The following CALN1 variants were observed in gnomAD, a reference collection of about 807,000 sequenced individuals.
The protein encoded by CALN1 is calneuron 1, also known as calcium-binding protein 8.
A neutral mutation model predicts 30.6 loss-of-function variants in CALN1; 17 were observed. The observed-to-expected ratio is 0.56, with a 90% CI of 0.38 to 0.83. CALN1 has a LOEUF of 0.83. CALN1 is among the 40% of genes least tolerant of loss of function. The pLI, the probability that CALN1 is intolerant of heterozygous loss-of-function variation, is 0.00. For synonymous variants in CALN1, 156 were observed against 131.4 expected (o/e 1.19, Z -1.28); for missense variants, 291 against 354.9 (o/e 0.82, Z 1.45).
intron 5 of CALN1, among the ~76,000 whole-genome samples, chr7:71,826,832 T>C (rs752436476): frequency 6.6e-6 from 1 of 152,298 alleles, no homozygotes; most frequent in African/African-American, 2.4e-5. Context: ...CATGCCACCA[T>C]GTCCACATAA....
chr7:72,302,438 A>T (rs1332843031), intron 2 of CALN1, among the ~76,000 whole-genome samples: 1 of 152,208 alleles, frequency 6.6e-6, no homozygotes, highest in African/African-American at 2.4e-5. Flanking sequence ...TCTGGACATC[A>T]CAGGAAAAAC....
chr7:71,933,048 A>T (rs1251207063), intron 5 of CALN1, among the ~76,000 whole-genome samples: 1 of 152,092 alleles, frequency 6.6e-6, no homozygotes, highest in Non-Finnish European at 1.5e-5. Flanking sequence ...ATCATATTCT[A>T]ACAAAGAGCA....
chr7:72,335,002 G>A (rs988641903), intron 2 of CALN1, among the ~76,000 whole-genome samples: 4 of 152,130 alleles, frequency 2.6e-5, no homozygotes, highest in Non-Finnish European at 5.9e-5. Flanking sequence ...ACTGCCGGGG[G>A]AACTAGCAAA....
Position 71,780,548 on chromosome 7 carries a change from T to C in CALN1, c.*7227A>G, listed in dbSNP as rs1386414371. The stretch of plus-strand genomic sequence containing the variant: ...GCACTCAGCATCCCTCATTAGCCAT[T>C]TAAAGGGCTGTCGCAGGTAGCCGGT... On this transcript the variant is annotated 3_prime_UTR_variant, in exon 7 of 7. Coordinates refer to ENST00000395275, the MANE Select transcript of CALN1 (RefSeq NM_031468.4). The C allele has an allele frequency of 2.0e-5, 3 of 152,084 alleles. No individual in the cohort carries two copies. Among genetic ancestry groups the C allele is most frequent in the African/African-American group, 7.2e-5 (3 of 41,400 alleles). 9.4% of individuals were successfully genotyped at this position (152,084 alleles called of 1,614,324 possible).
At chr7:72,326,183 G>A (rs948897493) in intron 2 of CALN1, among the ~76,000 whole-genome samples, 17 of 152,288 alleles carry the variant, frequency 1.1e-4, no homozygotes, top group Admixed American at 5.9e-4. Flanking sequence ...GATTACAGGC[G>A]TGAGCCATCA....
intron 4 of CALN1, among the ~76,000 whole-genome samples, chr7:72,067,582 T>C (rs1804109074): frequency 6.6e-6 from 1 of 152,044 alleles, no homozygotes; most frequent in Non-Finnish European, 1.5e-5. Context: ...CTCTCAAGCC[T>C]CCAGAGCACT....
chr7:72,337,017 T>C, intron 2 of CALN1: 3 of 985,480 alleles, frequency 3.0e-6, no homozygotes, highest in Non-Finnish European at 3.6e-6. Flanking sequence ...TCTGGGGACG[T>C]GTGCCCCGCA....
At chr7:72,288,990 T>C (rs1262812813) in intron 2 of CALN1, among the ~76,000 whole-genome samples, 1 of 152,182 alleles carries the variant, frequency 6.6e-6, no homozygotes, top group Admixed American at 6.5e-5. Context: ...TAAATGTAAA[T>C]AAGGGGCTAT....
At chr7:71,855,445 GTA>G (rs76288988) in intron 5 of CALN1, among the ~76,000 whole-genome samples, 35,434 of 151,932 alleles carry the variant, frequency 0.23, 4,921 homozygotes, top group Middle Eastern at 0.39. Flanking sequence ...GCCTTGGTAA[GTA>G]TCCCCCACCT....
chr7:72,135,316 C>A lies in CALN1; in HGVS notation c.245-29022G>T, dbSNP rs757271659. Among the ~76,000 whole-genome samples the A allele has an allele frequency of 2.8e-4, 43 of 152,200 alleles. 1 individual carries two copies. Among genetic ancestry groups the A allele is most frequent in the Admixed American group, 3.3e-4 (5 of 15,282 alleles). ...GGCTTTAAATTTACATTGCCCAGAT[C>A]TATCAGAGGAATCACTACGTATGGC... On this transcript the variant is annotated intron_variant, in intron 3 of 6. Coordinates refer to ENST00000395275, the MANE Select transcript of CALN1 (RefSeq NM_031468.4).
At chr7:72,394,820 C>T (rs957184971) in intron 2 of CALN1, among the ~76,000 whole-genome samples, 6 of 151,876 alleles carry the variant, frequency 4.0e-5, no homozygotes, top group African/African-American at 1.2e-4. Flanking sequence ...CCAACATGCC[C>T]GTTTTATTTT....
At chr7:72,501,753 A>T in the CALN1 span, among the ~76,000 whole-genome samples, 1 of 150,510 alleles carries the variant, frequency 6.6e-6, no homozygotes, top group Non-Finnish European at 1.5e-5. Context: ...TACTAAAAAT[A>T]TAAAAATTAG....
intron 5 of CALN1, among the ~76,000 whole-genome samples, chr7:71,986,037 A>T (rs1400554830): frequency 6.6e-6 from 1 of 150,736 alleles, no homozygotes; most frequent in East Asian, 2.0e-4. Flanking sequence ...GACACGCATC[A>T]ACATGGATAA....
intron 5 of CALN1, among the ~76,000 whole-genome samples, chr7:71,871,576 C>T (rs1791930421): frequency 6.6e-6 from 1 of 152,074 alleles, no homozygotes; most frequent in Non-Finnish European, 1.5e-5. Context: ...GAGTAAGACC[C>T]CATCTCTACA....
At chr7:72,148,928 GA>G (rs1422794352) in intron 3 of CALN1, among the ~76,000 whole-genome samples, 2 of 83,374 alleles carry the variant, frequency 2.4e-5, no homozygotes, top group Admixed American at 1.6e-4. Context: ...AAGAAAGAAA[GA>G]AAAAAAAGAA....
intron 2 of CALN1, among the ~76,000 whole-genome samples, chr7:72,313,836 T>G (rs985967452): frequency 6.6e-6 from 1 of 152,138 alleles, no homozygotes; most frequent in Non-Finnish European, 1.5e-5. Context: ...GATACTCCCC[T>G]GTAAACTACA....
At position 72,298,202 on chromosome 7, in the gene CALN1, G is replaced by A. The variant is rs141093640; in HGVS notation, c.120-19392C>T. ...ACCATCTCAGAAAAGACCAGAAAGT[G>A]TAGATCATTTGACTGTTTATGACAG... On this transcript the variant is annotated intron_variant, in intron 2 of 6. Transcript: ENST00000395275. Among the ~76,000 whole-genome samples, 289 of 152,292 alleles carry A rather than the reference G, an allele frequency of 1.9e-3. 2 individuals are homozygous for A. The highest frequency in any genetic ancestry group is 0.017 in the Middle Eastern group (5 of 294).
intron 2 of CALN1, among the ~76,000 whole-genome samples, chr7:72,370,787 C>T (rs1286922197): frequency 1.3e-5 from 2 of 151,836 alleles, no homozygotes; most frequent in East Asian, 3.9e-4. Context: ...GGGCTCATGC[C>T]TATAATCCCA....
intron 5 of CALN1, among the ~76,000 whole-genome samples, chr7:71,975,205 A>G (rs1478479885): frequency 1.3e-5 from 2 of 152,120 alleles, no homozygotes; most frequent in Non-Finnish European, 2.9e-5. Flanking sequence ...GAGGGATGTG[A>G]GCCCCGTGCT....
Sources: allele counts gnomAD v4.1 joint callset (sites outside exome capture counted in the v4.1 genomes callset), GRCh38; gene constraint gnomAD v4.1.1; transcripts MANE v1.5; gene names NCBI Gene and HGNC (gene_info 2026-07-23, HGNC 2026-07-21).